UVRAG: variants seen among roughly 807,000 people sequenced by gnomAD.
The protein encoded by UVRAG is UV radiation resistance-associated gene protein.
UVRAG carries 19 observed loss-of-function variants against 78.0 expected under a neutral mutation model. That is an observed-to-expected ratio of 0.24 (90% confidence interval 0.17 to 0.36). The LOEUF (loss-of-function observed/expected upper bound fraction) is 0.36. Ranked by LOEUF, UVRAG falls within the 10% of genes least tolerant of loss-of-function variation. The pLI is 1.00. For synonymous variants in UVRAG, 323 were observed against 324.6 expected (o/e 1.00, Z 0.05); for missense variants, 740 against 853.8 (o/e 0.87, Z 1.66).
At chr11:76,140,048 ACTCT>A (rs1312448539) in intron 14 of UVRAG, among the ~76,000 whole-genome samples, 5 of 89,970 alleles carry the variant, frequency 5.6e-5, no homozygotes, top group Non-Finnish European at 1.0e-4. Flanking sequence ...TATAACCTTG[ACTCT>A]CTCTCTCTCC....
intron 7 of UVRAG, among the ~76,000 whole-genome samples, chr11:75,982,633 T>C (rs533720532): frequency 6.6e-6 from 1 of 152,306 alleles, no homozygotes; most frequent in South Asian, 2.1e-4. Context: ...AGGCCTCTGC[T>C]TGGCCTTCTT....
chr11:76,124,700 G>A (rs1952353803), intron 14 of UVRAG, among the ~76,000 whole-genome samples: 1 of 152,206 alleles, frequency 6.6e-6, no homozygotes, highest in South Asian at 2.1e-4. Context: ...CTTTATGTGA[G>A]GCCATCCCAT....
intron 12 of UVRAG, among the ~76,000 whole-genome samples, chr11:76,061,683 G>A (rs1951098238): frequency 6.6e-6 from 1 of 151,740 alleles, no homozygotes; most frequent in African/African-American, 2.4e-5. Flanking sequence ...CCACCAGAAG[G>A]AAGAAACTCC....
intron 6 of UVRAG, among the ~76,000 whole-genome samples, chr11:75,926,037 A>C (rs1016086673): frequency 4.6e-5 from 7 of 151,906 alleles, no homozygotes; most frequent in Non-Finnish European, 8.8e-5. Flanking sequence ...TTCCCAGTAA[A>C]AGTTTTTTTT....
intron 13 of UVRAG, among the ~76,000 whole-genome samples, chr11:76,087,635 T>C (rs934042760): frequency 2.0e-5 from 3 of 152,186 alleles, no homozygotes; most frequent in Admixed American, 1.3e-4. Flanking sequence ...TTATACAGCT[T>C]TATAAATGAA....
chr11:76,122,933 G>A (rs1292906871), intron 14 of UVRAG, among the ~76,000 whole-genome samples: 1 of 152,186 alleles, frequency 6.6e-6, no homozygotes, highest in Non-Finnish European at 1.5e-5. Context: ...AGAACCTTGT[G>A]AGAGTAGCTG....
intron 3 of UVRAG, among the ~76,000 whole-genome samples, chr11:75,862,495 T>G (rs888261686): frequency 2.6e-5 from 4 of 152,230 alleles, no homozygotes; most frequent in African/African-American, 9.6e-5. Context: ...CCTTGTCTGC[T>G]TTTCCACCTC....
At chr11:76,082,527 G>A (rs1300402299) in intron 13 of UVRAG, among the ~76,000 whole-genome samples, 2 of 100,164 alleles carry the variant, frequency 2.0e-5, no homozygotes, top group African/African-American at 4.2e-5. Flanking sequence ...GCAACAGAGC[G>A]AGACTCCGTC....
At chr11:76,072,632 C>A (rs537178293) in intron 13 of UVRAG, among the ~76,000 whole-genome samples, 2 of 152,198 alleles carry the variant, frequency 1.3e-5, no homozygotes, top group Non-Finnish European at 2.9e-5. Flanking sequence ...AACCACAACT[C>A]ACACCATACT....
chr11:75,944,979 A>G, intron 6 of UVRAG, among the ~76,000 whole-genome samples: 1 of 152,188 alleles, frequency 6.6e-6, no homozygotes, highest in East Asian at 1.9e-4. Context: ...ATGTTGGGTT[A>G]TTAAATTGAT....
chr11:75,835,539 A>C (rs187715573), intron 1 of UVRAG, among the ~76,000 whole-genome samples: 1 of 152,274 alleles, frequency 6.6e-6, no homozygotes, highest in Non-Finnish European at 1.5e-5. Context: ...CCACCTGCCT[A>C]CTTCTGTGGG....
intron 6 of UVRAG, chr11:75,942,173 A>C (rs1330902174): frequency 6.5e-6 from 1 of 152,906 alleles, no homozygotes; most frequent in African/African-American, 2.4e-5. Flanking sequence ...CTTCAATCCC[A>C]TCTTACTGCT....
rs1952749214 is a variant in UVRAG at position 76,142,968 on chromosome 11, C to CG, written c.*1555_*1556insG. The CG allele has an allele frequency of 6.6e-6, 1 of 152,248 alleles. No individual in the cohort carries two copies. The highest frequency in any genetic ancestry group is 6.5e-5 in the Admixed American group (1 of 15,280). 9.4% of individuals were successfully genotyped at this position (152,248 alleles called of 1,614,324 possible). A position where few individuals can be genotyped will look rare whatever the true frequency, so the allele number is the denominator to read the frequency against. On this transcript the variant is annotated 3_prime_UTR_variant, in exon 15 of 15. Coordinates refer to ENST00000356136, the MANE Select transcript of UVRAG (RefSeq NM_003369.4). ...ATGTAGAGAACTCACAGGATGACTA[C>CG]ATCACAAATAAACCCAACTCTCAGG...
intron 12 of UVRAG, among the ~76,000 whole-genome samples, chr11:76,048,677 A>T (rs1381823434): frequency 6.6e-6 from 1 of 152,222 alleles, no homozygotes; most frequent in East Asian, 1.9e-4. Context: ...GTCTTTCTCA[A>T]ATACATTCTG....
chr11:76,106,696 A>T (rs890695861), intron 13 of UVRAG, among the ~76,000 whole-genome samples: 1 of 151,918 alleles, frequency 6.6e-6, no homozygotes, highest in African/African-American at 2.4e-5. Context: ...ATCAGTTTAG[A>T]GAGTAAGCTT....
At position 76,110,211 on chromosome 11, in the gene UVRAG, C is replaced by CATATATATATATATATATATATAT. The variant is rs10526191; in HGVS notation, c.1306-5693_1306-5692insATATATATATATATATATATATAT. 9.1e-3 allele frequency among the ~76,000 whole-genome samples: 1,243 copies of CATATATATATATATATATATATAT among 136,294 alleles called. 47 individuals carry two copies. The highest frequency in any genetic ancestry group is 0.034 in the African/African-American group (1,146 of 33,360). The allele number at this position is 136,294 out of a possible 152,430, so 89.4% of individuals were successfully genotyped here. A position where few individuals can be genotyped will look rare whatever the true frequency, so the allele number is the denominator to read the frequency against. On this transcript the variant is annotated intron_variant, in intron 13 of 14. Transcript: ENST00000356136. ...GTGGAGAATATATATATATCTGGTA[C>CATATATATATATATATATATATAT]ATATATATATATATATATATGTATT...
At chr11:76,042,034 G>C (rs976106840) in intron 12 of UVRAG, among the ~76,000 whole-genome samples, 13 of 152,076 alleles carry the variant, frequency 8.5e-5, no homozygotes, top group Non-Finnish European at 1.8e-4. Context: ...CTAGTAAAAC[G>C]GTTTCGAGTA....
chr11:75,935,523 T>G (rs945430798), intron 6 of UVRAG, among the ~76,000 whole-genome samples: 1 of 152,154 alleles, frequency 6.6e-6, no homozygotes, highest in Non-Finnish European at 1.5e-5. Flanking sequence ...ATTATTTCCA[T>G]GGATTAAAAG....
intron 6 of UVRAG, among the ~76,000 whole-genome samples, chr11:75,933,952 A>G (rs1208067235): frequency 6.6e-6 from 1 of 152,216 alleles, no homozygotes; most frequent in African/African-American, 2.4e-5. Flanking sequence ...AGGTTCCTCA[A>G]AAAAACTAAA....
Sources: gnomAD v4.1 joint callset for allele counts (sites outside exome capture counted in the v4.1 genomes callset) on GRCh38, gnomAD v4.1.1 for gene constraint, MANE v1.5 for transcripts, NCBI Gene and HGNC (gene_info 2026-07-23, HGNC 2026-07-21) for gene names.